The following ELSPBP1 variants were observed in gnomAD, a reference collection of about 807,000 sequenced individuals.
ELSPBP1 encodes epididymal sperm binding protein 1.
ELSPBP1 carries 38 observed loss-of-function variants against 33.3 expected under a neutral mutation model. The observed-to-expected ratio is 1.14, with a 90% CI of 0.88 to 1.50. The LOEUF is 1.50. Among genes scored for constraint, ELSPBP1 ranks in the 40% most tolerant of loss-of-function variants. The pLI is 0.00. For missense variants in ELSPBP1, 267 were observed against 263.5 expected (o/e 1.01, Z -0.09); for synonymous variants, 85 against 94.1 (o/e 0.90, Z 0.56).
chr19:48,007,299 G>T (rs1027674020), intron 1 of ELSPBP1, among the ~76,000 whole-genome samples: 1 of 152,084 alleles, frequency 6.6e-6, no homozygotes, highest in East Asian at 1.9e-4. Flanking sequence ...AGACAGGCCC[G>T]CACTGACTCT....
chr19:48,023,527 G>GA (rs1967234480), intron 6 of ELSPBP1, among the ~76,000 whole-genome samples: 1 of 93,454 alleles, frequency 1.1e-5, no homozygotes. Flanking sequence ...AAGGAAGGAA[G>GA]GGAGGAAGGA....
chr19:48,018,514 T>A (rs895801924), intron 4 of ELSPBP1, among the ~76,000 whole-genome samples: 4 of 152,228 alleles, frequency 2.6e-5, no homozygotes, highest in Non-Finnish European at 5.9e-5. Context: ...TATCATAACA[T>A]AATGAACTTT....
At chr19:48,019,499 G>A (rs1298473846) in intron 4 of ELSPBP1, among the ~76,000 whole-genome samples, 1 of 152,196 alleles carries the variant, frequency 6.6e-6, no homozygotes. Flanking sequence ...GCAGAACCGT[G>A]AAGTCGTGTT....
At chr19:47,995,777 T>C (rs746853700) in intron 1 of ELSPBP1, among the ~76,000 whole-genome samples, 4 of 152,158 alleles carry the variant, frequency 2.6e-5, no homozygotes, top group Non-Finnish European at 5.9e-5. Context: ...ACTAAACAGA[T>C]AGGAATACTG....
chr19:48,003,602 T>C (rs1296374845), intron 1 of ELSPBP1, among the ~76,000 whole-genome samples: 1 of 149,990 alleles, frequency 6.7e-6, no homozygotes, highest in Admixed American at 6.7e-5. Flanking sequence ...AGTGGCACGA[T>C]CTCGGCTCAC....
chr19:48,005,387 C>T (rs1054733004), intron 1 of ELSPBP1, among the ~76,000 whole-genome samples: 2 of 152,040 alleles, frequency 1.3e-5, no homozygotes, highest in Non-Finnish European at 2.9e-5. Flanking sequence ...CGGATAGATT[C>T]AGGAGCTCCA....
At chr19:48,004,100 T>A (rs1040918581) in intron 1 of ELSPBP1, among the ~76,000 whole-genome samples, 1 of 151,360 alleles carries the variant, frequency 6.6e-6, no homozygotes, top group African/African-American at 2.4e-5. Context: ...CGCACCATCA[T>A]GTGGAGGGAA....
At position 48,014,280 on chromosome 19, in the gene ELSPBP1, C is replaced by T. The variant is rs138110467; in HGVS notation, c.180C>T (p.Asn60=). 966 of 1,613,980 alleles carry T rather than the reference C, an allele frequency of 6.0e-4. No homozygotes were observed. Among genetic ancestry groups the T allele is most frequent in the Non-Finnish European group, 7.6e-4 (894 of 1,179,980 alleles). Residue 60 remains asparagine (N), a synonymous_variant, in exon 3 of 7, where the codon AAC becomes AAT. Coordinates refer to ENST00000339841, the MANE Select transcript of ELSPBP1 (RefSeq NM_022142.5). ...GGTGTGCCACCAGAGCCGTGTACAA[C>T]GGCCAGTGGAAGTACTGCCAGAGTG... is the stretch of plus-strand genomic sequence containing the variant. The part of the protein sequence containing the change: ...SPWCATRAVY[N]GQWKYCQSED...
At chr19:48,004,947 C>T (rs1426491429) in intron 1 of ELSPBP1, among the ~76,000 whole-genome samples, 1 of 152,144 alleles carries the variant, frequency 6.6e-6, no homozygotes, top group Non-Finnish European at 1.5e-5. Context: ...GCCTGTAATC[C>T]CAGTGCTTAG....
intron 1 of ELSPBP1, among the ~76,000 whole-genome samples, chr19:48,003,886 CTTCTA>C (rs56297495): frequency 0.12 from 13,738 of 114,020 alleles, 878 homozygotes; most frequent in Middle Eastern, 0.16. Flanking sequence ...CTTCTGGTTG[CTTCTA>C]TTCTATTCTA....
chr19:48,016,081 G>A (rs1967129714), intron 4 of ELSPBP1, 42 bp downstream of exon 4: 1 of 1,605,716 alleles, frequency 6.2e-7, no homozygotes, highest in East Asian at 2.2e-5. Context: ...GTGGGAGGGA[G>A]AGTGGACAGC....
At chr19:48,006,190 C>T (rs1967015519) in intron 1 of ELSPBP1, among the ~76,000 whole-genome samples, 1 of 152,064 alleles carries the variant, frequency 6.6e-6, no homozygotes, top group Admixed American at 6.6e-5. Context: ...AAACTCCTGG[C>T]CTCAAGCAAT....
chr19:48,017,558 GC>G (rs1967155187), intron 4 of ELSPBP1, among the ~76,000 whole-genome samples: 1 of 151,888 alleles, frequency 6.6e-6, no homozygotes, highest in East Asian at 1.9e-4. Flanking sequence ...CATAACCTTA[GC>G]CATTTCTTAA....
intron 6 of ELSPBP1, among the ~76,000 whole-genome samples, chr19:48,023,466 TGG>T (rs1967229658): frequency 3.5e-5 from 1 of 28,700 alleles, no homozygotes. Flanking sequence ...AGGGAAGGAA[TGG>T]AGGAAGGGAG....
intron 1 of ELSPBP1, among the ~76,000 whole-genome samples, chr19:48,003,220 A>G (rs530519720): frequency 6.6e-6 from 1 of 152,328 alleles, no homozygotes; most frequent in East Asian, 1.9e-4. Flanking sequence ...AATATTTTCT[A>G]TGAATATCCA....
chr19:48,012,708 C>T lies in ELSPBP1; in HGVS notation c.71-1463C>T, dbSNP rs893510394. ...TACTCATTGAGAAGAATAAGGACGT[C>T]GAAAGTTGTCCCCTCAATATTTGCC... On this transcript the variant is annotated intron_variant, in intron 2 of 6. Transcript: ENST00000339841. Among the ~76,000 whole-genome samples the T allele has an allele frequency of 1.1e-4, 16 of 152,252 alleles. 1 individual carries two copies. The South Asian group carries it at 3.1e-3, about 30-fold the overall frequency.
intron 3 of ELSPBP1, 64 bp downstream of exon 3, chr19:48,014,372 T>G (rs1465839725): frequency 6.4e-7 from 1 of 1,564,566 alleles, no homozygotes; most frequent in Non-Finnish European, 8.7e-7. Context: ...AAAGAGAATG[T>G]GTGACTGTCT....
chr19:48,014,051 G>C, intron 2 of ELSPBP1, 120 bp from the exon 3 acceptor site: 1 of 1,148,856 alleles, frequency 8.7e-7, no homozygotes. Context: ...TATGAATTTT[G>C]CGGCGGGGGC....
intron 1 of ELSPBP1, among the ~76,000 whole-genome samples, chr19:48,006,668 A>G (rs1967023544): frequency 6.6e-6 from 1 of 151,600 alleles, no homozygotes; most frequent in Non-Finnish European, 1.5e-5. Context: ...AGAAAATTTA[A>G]GTAATTTCCC....
Sources: allele counts gnomAD v4.1 joint callset (sites outside exome capture counted in the v4.1 genomes callset), GRCh38; gene constraint gnomAD v4.1.1; transcripts MANE v1.5; gene names NCBI Gene and HGNC (gene_info 2026-07-23, HGNC 2026-07-21).